The following FCGR3B variants were observed in gnomAD, a reference collection of about 807,000 sequenced individuals.
FCGR3B encodes the protein low affinity immunoglobulin gamma Fc region receptor III-B.
FCGR3B carries 20 observed loss-of-function variants against 26.7 expected under a neutral mutation model. That is an observed-to-expected ratio of 0.75 (90% CI 0.53 to 1.09). FCGR3B has a LOEUF of 1.09. Among genes scored for constraint, FCGR3B ranks in the 50% least tolerant of loss-of-function variants. FCGR3B has a pLI of 0.00. For synonymous variants in FCGR3B, 79 were observed against 107.0 expected, an observed-to-expected ratio of 0.74 and a Z score of 1.62; for missense variants, 191 against 279.7, an observed-to-expected ratio of 0.68 and a Z score of 2.26.
At chr1:161,628,356 G>A (rs1186748862) in intron 3 of FCGR3B, among the ~76,000 whole-genome samples, 2 of 150,058 alleles carry the variant, frequency 1.3e-5, no homozygotes, top group Admixed American at 1.3e-4. Context: ...GGGTCCTAAA[G>A]GAATAAAGGA....
intron 4 of FCGR3B, among the ~76,000 whole-genome samples, chr1:161,625,387 A>T (rs1241300474): frequency 4.9e-5 from 6 of 122,562 alleles, no homozygotes; most frequent in Non-Finnish European, 1.0e-4. Context: ...GGATGACTTA[A>T]TGGGATCATA....
chr1:161,624,241 G>T lies in FCGR3B; in HGVS notation c.*274C>A, dbSNP rs138053195. Reference sequence around the variant, plus strand: ...TGAAACTTCAATTTCTAGGAATGCAGCTACTCACTGGGGCTTCCCTGCTTG... The same window carrying T: ...TGAAACTTCAATTTCTAGGAATGCATCTACTCACTGGGGCTTCCCTGCTTG... On this transcript the variant is annotated 3_prime_UTR_variant, in exon 5 of 5. Coordinates refer to ENST00000650385, the MANE Select transcript of FCGR3B (RefSeq NM_001244753.2). The T allele has an allele frequency of 0.033, 13,483 of 408,626 alleles. 1,375 individuals are homozygous for T. Among genetic ancestry groups the T allele is most frequent in the East Asian group, 0.27 (7,369 of 26,842 alleles). 25.3% of individuals were successfully genotyped at this position (408,626 alleles called of 1,614,324 possible).
intron 4 of FCGR3B, among the ~76,000 whole-genome samples, chr1:161,625,815 C>A (rs530143899): frequency 1.4e-5 from 2 of 146,184 alleles, no homozygotes; most frequent in Admixed American, 6.9e-5. Context: ...AGGAGGCCAG[C>A]ACGATAGGAA....
rs200491752 is a variant in FCGR3B at position 161,630,566 on chromosome 1, C to A, written c.41-178G>T. On this transcript the variant is annotated intron_variant, in intron 1 of 4. Transcript: ENST00000650385. ...TGCTCTCTGGTCTCCACTGTTCATGCCTCTTGCGCCACTGTCAACACAAAT... is the reference window on the plus strand; with the variant it reads ...TGCTCTCTGGTCTCCACTGTTCATGACTCTTGCGCCACTGTCAACACAAAT... 0.013 allele frequency among the ~76,000 whole-genome samples: 1,844 copies of A among 144,408 alleles called. 190 individuals are homozygous for A. In the East Asian group the frequency reaches 0.24, roughly 19 times the overall value. 94.7% of individuals were successfully genotyped at this position (144,408 alleles called of 152,430 possible).
At chr1:161,630,514 G>A (rs902640328) in intron 1 of FCGR3B, 126 bp from the exon 2 acceptor site, 64 of 821,116 alleles carry the variant, frequency 7.8e-5, no homozygotes, top group Admixed American at 4.2e-5. Flanking sequence ...CAAGAATCAG[G>A]ATGTTTCTGG....
upstream of FCGR3B, chr1:161,631,306 C>T: frequency 1.6e-6 from 2 of 1,272,678 alleles, no homozygotes; most frequent in Non-Finnish European, 2.1e-6. Context: ...AAGGAAAGAG[C>T]CTGGAGGCAA....
At chr1:161,626,535 C>T (rs1679474269) in intron 3 of FCGR3B, 133 bp from the exon 4 acceptor site, 15 of 810,728 alleles carry the variant, frequency 1.9e-5, no homozygotes, top group East Asian at 1.3e-4. Context: ...TGCATAGCTC[C>T]CTTTGGGGAA....
chr1:161,628,481 T>C (rs1187401425), intron 3 of FCGR3B, among the ~76,000 whole-genome samples: 1 of 149,526 alleles, frequency 6.7e-6, no homozygotes, highest in African/African-American at 2.5e-5. Context: ...AACTAGTAAC[T>C]CCTAGACTTG....
chr1:161,630,503 C>T, intron 1 of FCGR3B, 115 bp from the exon 2 acceptor site: 2 of 880,396 alleles, frequency 2.3e-6, no homozygotes, highest in Non-Finnish European at 3.7e-6. Context: ...CCCAATTTTC[C>T]CAAGAATCAG....
In FCGR3B at chr1:161,624,271, T is replaced by G. The variant is rs1679347581; in HGVS notation, c.*244A>C. 2.1e-6 allele frequency: 1 copy of G among 482,528 alleles called. No individual in the cohort carries two copies. The highest frequency in any genetic ancestry group is 3.8e-6 in the Non-Finnish European group (1 of 266,324). The allele number at this position is 482,528 out of a possible 1,614,324, so 29.9% of individuals were successfully genotyped here. A position where few individuals can be genotyped will look rare whatever the true frequency, so the allele number is the denominator to read the frequency against. ...TCACTGGGGCTTCCCTGCTTGAAGA[T>G]CATGGGCTTTTCCCTTCCACTGGAG... On this transcript the variant is annotated 3_prime_UTR_variant, in exon 5 of 5. Transcript: ENST00000650385.
At position 161,630,380 on chromosome 1, in the gene FCGR3B, C is replaced by G; in HGVS notation, c.49G>C (p.Gly17Arg). 1 of 1,605,806 alleles carries G rather than the reference C, an allele frequency of 6.2e-7. No individual in the cohort carries two copies. Among genetic ancestry groups the G allele is most frequent in the Non-Finnish European group, 8.5e-7 (1 of 1,176,440 alleles). ...GAAGCTGACTCACCAGTCCGCATGC[C>G]AGCTGAAACTGCAAGAAAAAAGAGT... is the stretch of plus-strand genomic sequence containing the variant. Reference protein sequence around the residue: ...PTALLLLVSAGMRTEDLPKAV... With the variant: ...PTALLLLVSARMRTEDLPKAV... Residue 17 changes from glycine to arginine, a missense_variant, in exon 2 of 5, where the codon GGC becomes CGC. This residue lies in a region of FCGR3B where 88 missense variants were observed against 165.2 expected (regional missense o/e 0.53). Transcript: ENST00000650385.
At chr1:161,626,965 G>A (rs1013641848) in intron 3 of FCGR3B, among the ~76,000 whole-genome samples, 7 of 149,992 alleles carry the variant, frequency 4.7e-5, no homozygotes, top group African/African-American at 1.7e-4. Context: ...GGCGGGACTG[G>A]TAGTGCTCAG....
intron 4 of FCGR3B, among the ~76,000 whole-genome samples, 158 bp downstream of exon 4, chr1:161,625,987 A>G (rs951660507): frequency 6.8e-6 from 1 of 147,276 alleles, no homozygotes; most frequent in Non-Finnish European, 1.5e-5. Flanking sequence ...CCCTGCAATC[A>G]GGGACTTTTG....
chr1:161,627,140 C>G (rs1192994888), intron 3 of FCGR3B, among the ~76,000 whole-genome samples: 1 of 149,718 alleles, frequency 6.7e-6, no homozygotes, highest in Non-Finnish European at 1.5e-5. Flanking sequence ...AGGTCATGGT[C>G]GGGAAATGGC....
chr1:161,625,317 C>A (rs1400361151), intron 4 of FCGR3B, among the ~76,000 whole-genome samples: 2 of 138,036 alleles, frequency 1.4e-5, no homozygotes. Context: ...AAAGTCCAGG[C>A]ACACCACTCT....
rs2102593053 is a variant in FCGR3B at position 161,628,855 on chromosome 1, T to C, written c.319+923A>G. The stretch of plus-strand genomic sequence containing the variant: ...GGAAAGACCCCTGCCTTCAAAATAT[T>C]TCTCCTACCTGTGTCTGATGTCTAT... On this transcript the variant is annotated intron_variant, in intron 3 of 4. Transcript: ENST00000650385. Among the ~76,000 whole-genome samples the C allele has an allele frequency of 1.4e-5, 2 of 144,568 alleles. 1 individual carries two copies. The highest frequency in any genetic ancestry group is 5.2e-5 in the African/African-American group (2 of 38,182). 94.8% of individuals were successfully genotyped at this position (144,568 alleles called of 152,430 possible). A position where few individuals can be genotyped will look rare whatever the true frequency, so the allele number is the denominator to read the frequency against.
intron 3 of FCGR3B, among the ~76,000 whole-genome samples, chr1:161,628,480 C>T (rs1248761662): frequency 6.7e-6 from 1 of 149,570 alleles, no homozygotes; most frequent in East Asian, 2.0e-4. Context: ...AAACTAGTAA[C>T]TCCTAGACTT....
rs2102585375 is a variant in FCGR3B at position 161,624,632 on chromosome 1, T to A, written c.585A>T (p.Ala195=). Residue 195 remains alanine (A), a synonymous_variant, in exon 5 of 5, where the codon GCA becomes GCT. Coordinates refer to ENST00000650385, the MANE Select transcript of FCGR3B (RefSeq NM_001244753.2). ...GAGAGAATGATGAGATGGTTGACAC[T>A]GCCAAACCTATTAGGAGAAGTGGAG... ...TVNITITQGL[A]VSTISSFSPP... 1 of 1,603,934 alleles carries A rather than the reference T, an allele frequency of 6.2e-7. No homozygotes were observed. Among genetic ancestry groups the A allele is most frequent in the Middle Eastern group, 1.7e-4 (1 of 6,008 alleles).
intron 1 of FCGR3B, 45 bp from the exon 2 acceptor site, chr1:161,630,433 T>C (rs1404537298): frequency 3.2e-6 from 5 of 1,580,480 alleles, no homozygotes; most frequent in Non-Finnish European, 3.5e-6. Context: ...GGGGCAGAGA[T>C]CAGAGTGATT....
Sources: gnomAD v4.1 joint callset for allele counts (sites outside exome capture counted in the v4.1 genomes callset) on GRCh38, gnomAD v4.1.1 for gene constraint, gnomAD v4.1.1 regional missense constraint, MANE v1.5 for transcripts, NCBI Gene and HGNC (gene_info 2026-07-23, HGNC 2026-07-21) for gene names.